SEMA3C: variants seen among roughly 807,000 people sequenced by gnomAD.
SEMA3C encodes the protein semaphorin 3C, also known as semaphorin-3C.
A neutral mutation model predicts 89.4 loss-of-function variants in SEMA3C; 47 were observed. The ratio of observed to expected loss-of-function variants is 0.53; its 90% confidence interval spans 0.42 to 0.67. The LOEUF (loss-of-function observed/expected upper bound fraction) is 0.67. Ranked by LOEUF, SEMA3C falls within the 30% of genes least tolerant of loss-of-function variation. The pLI, the probability that SEMA3C is intolerant of heterozygous loss-of-function variation, is 0.00. For synonymous variants in SEMA3C, 310 were observed against 320.2 expected (o/e 0.97, Z 0.34); for missense variants, 839 against 929.1 (o/e 0.90, Z 1.26).
intron 2 of SEMA3C, among the ~76,000 whole-genome samples, chr7:80,875,709 C>T (rs1791184429): frequency 6.6e-6 from 1 of 151,840 alleles, no homozygotes; most frequent in Admixed American, 6.6e-5. Context: ...ATCAGACTGA[C>T]TGCAGAAGTA....
chr7:80,904,886 C>T (rs183889463), intron 2 of SEMA3C, among the ~76,000 whole-genome samples: 96 of 152,126 alleles, frequency 6.3e-4, no homozygotes, highest in African/African-American at 2.1e-3. Flanking sequence ...GAATCACTGC[C>T]CTAGGGTCTC....
chr7:80,801,417 A>C (rs1294248131), intron 9 of SEMA3C, among the ~76,000 whole-genome samples: 2 of 152,092 alleles, frequency 1.3e-5, no homozygotes, highest in Non-Finnish European at 1.5e-5. Context: ...TAACAAAAAG[A>C]TGTTTAAAGT....
intron 12 of SEMA3C, 146 bp downstream of exon 12, chr7:80,789,160 A>G: frequency 1.6e-6 from 1 of 607,598 alleles, no homozygotes; most frequent in Non-Finnish European, 2.8e-6. Context: ...AACTGAGGCA[A>G]AAAGAGATTA....
chr7:80,837,474 C>A (rs1342430531), intron 2 of SEMA3C, among the ~76,000 whole-genome samples: 1 of 152,146 alleles, frequency 6.6e-6, no homozygotes, highest in Non-Finnish European at 1.5e-5. Flanking sequence ...ATTATTGGGG[C>A]AAACAGGAAA....
intron 15 of SEMA3C, among the ~76,000 whole-genome samples, chr7:80,754,947 G>GTTTTTTTTTTTTTTTTTTTTTT (rs1031680674): frequency 3.8e-4 from 5 of 13,128 alleles, no homozygotes; most frequent in Non-Finnish European, 1.2e-3. Flanking sequence ...CTGGCGAATT[G>GTTTTTTTTTTTTTTTTTTTTTT]TTTTTTTTTG....
chr7:80,829,637 A>C (rs1476256119), intron 2 of SEMA3C, among the ~76,000 whole-genome samples: 1 of 152,116 alleles, frequency 6.6e-6, no homozygotes, highest in African/African-American at 2.4e-5. Context: ...ATTTTCAGGT[A>C]TCTAAATGTT....
intron 2 of SEMA3C, among the ~76,000 whole-genome samples, chr7:80,863,228 C>G (rs1483506925): frequency 8.1e-6 from 1 of 123,702 alleles, no homozygotes; most frequent in Non-Finnish European, 1.6e-5. Context: ...GAGACTCCAT[C>G]TTAAAAAAAA....
At chr7:80,863,846 ATATCACATACATATG>A (rs1491001082) in intron 2 of SEMA3C, among the ~76,000 whole-genome samples, 1 of 113,426 alleles carries the variant, frequency 8.8e-6, no homozygotes, top group Non-Finnish European at 1.7e-5. Context: ...TATATATCAC[ATATCACATACATATG>A]TATCACATAT....
At chr7:80,830,641 A>G (rs1024221228) in intron 2 of SEMA3C, among the ~76,000 whole-genome samples, 18 of 152,290 alleles carry the variant, frequency 1.2e-4, no homozygotes, top group Middle Eastern at 3.4e-3. Context: ...GACAGCATAC[A>G]AGAACAAAAG....
chr7:80,900,137 G>T (rs376662885), intron 2 of SEMA3C, among the ~76,000 whole-genome samples: 126 of 150,522 alleles, frequency 8.4e-4, no homozygotes, highest in African/African-American at 2.8e-3. Flanking sequence ...TCTTTGAGAC[G>T]GAGTCTCGCT....
intron 2 of SEMA3C, among the ~76,000 whole-genome samples, chr7:80,872,452 G>A (rs981411976): frequency 6.6e-6 from 1 of 152,108 alleles, no homozygotes; most frequent in African/African-American, 2.4e-5. Context: ...AGAGGGGGGT[G>A]AGTAGAAGTT....
At position 80,798,246 on chromosome 7, in the gene SEMA3C, A is replaced by G; in HGVS notation, c.987-10T>C. 2.8e-6 allele frequency: 4 copies of G among 1,419,434 alleles called. No homozygotes were observed. Among genetic ancestry groups the G allele is most frequent in the Non-Finnish European group, 3.7e-6 (4 of 1,080,508 alleles). 87.9% of individuals were successfully genotyped at this position (1,419,434 alleles called of 1,614,324 possible). A position where few individuals can be genotyped will look rare whatever the true frequency, so the allele number is the denominator to read the frequency against. On this transcript the variant is annotated splice_polypyrimidine_tract_variant and intron_variant, in intron 10 of 17. Coordinates refer to ENST00000265361, the MANE Select transcript of SEMA3C (RefSeq NM_006379.5). ...TCCTTTGAAAACTGAGCTAAAAAAG[A>G]AAACAGAAAAAGGCATTTTCAAATT...
chr7:80,751,404 C>T, intron 15 of SEMA3C, 68 bp from the exon 16 acceptor site: 1 of 1,418,106 alleles, frequency 7.1e-7, no homozygotes, highest in Non-Finnish European at 9.9e-7. Flanking sequence ...TCTTAAAACA[C>T]TGTAATTTTA....
intron 2 of SEMA3C, among the ~76,000 whole-genome samples, chr7:80,879,206 T>TA (rs200008293): frequency 2.4e-4 from 36 of 148,966 alleles, no homozygotes; most frequent in East Asian, 7.9e-4. Context: ...GAAGGATTAT[T>TA]AAAAAAAAAA....
intron 2 of SEMA3C, among the ~76,000 whole-genome samples, chr7:80,874,225 C>T (rs571319957): frequency 6.6e-6 from 1 of 152,098 alleles, no homozygotes; most frequent in East Asian, 1.9e-4. Flanking sequence ...TCCTAACAAC[C>T]CCAACAAGAT....
intron 2 of SEMA3C, among the ~76,000 whole-genome samples, chr7:80,878,367 A>C (rs1387139303): frequency 6.6e-6 from 1 of 152,212 alleles, no homozygotes. Context: ...AATAAGAGCA[A>C]AACTCCGTCT....
intron 16 of SEMA3C, among the ~76,000 whole-genome samples, chr7:80,750,188 T>G (rs1218781511): frequency 6.6e-6 from 1 of 151,904 alleles, no homozygotes; most frequent in Non-Finnish European, 1.5e-5. Flanking sequence ...AAGGAAGGTC[T>G]GCTTGGAAAT....
chr7:80,837,973 T>C (rs2115861634), intron 2 of SEMA3C, among the ~76,000 whole-genome samples: 1 of 152,270 alleles, frequency 6.6e-6, no homozygotes. Flanking sequence ...GAAACACAGG[T>C]CTTTGTTCAT....
chr7:80,785,929 T>C (rs766484967), intron 12 of SEMA3C, among the ~76,000 whole-genome samples: 2 of 152,192 alleles, frequency 1.3e-5, no homozygotes, highest in African/African-American at 4.8e-5. Context: ...TTTATACCAA[T>C]ATACTGGTTG....
Sources: allele counts gnomAD v4.1 joint callset (sites outside exome capture counted in the v4.1 genomes callset), GRCh38; gene constraint gnomAD v4.1.1; transcripts MANE v1.5; gene names NCBI Gene and HGNC (gene_info 2026-07-23, HGNC 2026-07-21).